CNOT10: variants seen among roughly 807,000 people sequenced by gnomAD.
CNOT10 encodes CCR4-NOT transcription complex, subunit 10.
In CNOT10, 30 loss-of-function variants were observed where a neutral mutation model predicts 94.6. The ratio of observed to expected loss-of-function variants is 0.32; its 90% CI spans 0.24 to 0.43. The LOEUF (loss-of-function observed/expected upper bound fraction) is 0.43. CNOT10 is among the 20% of genes least tolerant of loss of function. The pLI is 1.00. For missense variants in CNOT10, 759 were observed against 877.2 expected, an observed-to-expected ratio of 0.87 and a Z score of 1.70; for synonymous variants, 289 against 301.6, an observed-to-expected ratio of 0.96 and a Z score of 0.43.
At position 32,704,794 on chromosome 3, in the gene CNOT10, TG is replaced by T. The variant is rs1697536955; in HGVS notation, c.118-15del. 5 of 1,477,030 alleles carry T rather than the reference TG, an allele frequency of 3.4e-6. No individual in the cohort carries two copies. The highest frequency in any genetic ancestry group is 2.7e-5 in the South Asian group (2 of 73,152). 91.5% of individuals were successfully genotyped at this position (1,477,030 alleles called of 1,614,324 possible). On this transcript the variant is annotated splice_polypyrimidine_tract_variant and intron_variant, in intron 2 of 18. Coordinates refer to ENST00000328834, the MANE Select transcript of CNOT10 (RefSeq NM_015442.3). The stretch of plus-strand genomic sequence containing the variant: ...GTATGTAATTTTGTGTGTGTGTGTG[TG>T]GTTTTTTTTTTTTAGTCTGGAAATT...
At chr3:32,742,458 T>C (rs762299953) in intron 13 of CNOT10, among the ~76,000 whole-genome samples, 2 of 152,054 alleles carry the variant, frequency 1.3e-5, no homozygotes, top group South Asian at 4.1e-4. Context: ...CTCAGCTCAC[T>C]GCAACCTCCG....
intron 13 of CNOT10, among the ~76,000 whole-genome samples, chr3:32,740,073 G>A (rs187041006): frequency 1.3e-5 from 2 of 152,242 alleles, no homozygotes; most frequent in Admixed American, 1.3e-4. Context: ...CTCCAGCAAG[G>A]ATGACAGATC....
rs148474427 is a variant in CNOT10, at chr3:32,756,921, A to T, written c.1596-2537A>T. 5.2e-3 allele frequency among the ~76,000 whole-genome samples: 794 copies of T among 151,916 alleles called. 6 individuals carry two copies. Among genetic ancestry groups the T allele is most frequent in the African/African-American group, 0.018 (732 of 41,474 alleles). On this transcript the variant is annotated intron_variant, in intron 13 of 18. Transcript: ENST00000328834. ...CAGGAGTTTCCAGCCTGGCCAACAT[A>T]GTGAAACCCCATCTCTATAAAAAAA...
In CNOT10 at chr3:32,759,134, T is replaced by TA. The variant is rs1322929019; in HGVS notation, c.1596-324_1596-323insA. Among the ~76,000 whole-genome samples, 809 of 145,680 alleles carry TA rather than the reference T, an allele frequency of 5.6e-3. 8 individuals are homozygous for TA. The highest frequency in any genetic ancestry group is 0.02 in the African/African-American group (744 of 37,992). On this transcript the variant is annotated intron_variant, in intron 13 of 18. Coordinates refer to ENST00000328834, the MANE Select transcript of CNOT10 (RefSeq NM_015442.3). ...CTCATTAGGCTATATATATATAGTGTGTGTGTGTGTGTGTGTGTGTATTTA... is the reference window on the plus strand; with the variant it reads ...CTCATTAGGCTATATATATATAGTGTAGTGTGTGTGTGTGTGTGTGTATTTA...
At position 32,705,709 on chromosome 3, in the gene CNOT10, A is replaced by T. The variant is rs6784479; in HGVS notation, c.279+737A>T. On this transcript the variant is annotated intron_variant, in intron 3 of 18. Transcript: ENST00000328834. ...TGAACTCAGTTGTATTTAACTCTAT[A>T]GCCTGTAATTTTAGTTACTGCTTCA... Among the ~76,000 whole-genome samples the T allele has an allele frequency of 9.5e-3, 1,445 of 152,250 alleles. 29 individuals are homozygous for T. The highest frequency in any genetic ancestry group is 0.033 in the African/African-American group (1,364 of 41,544).
intron 13 of CNOT10, among the ~76,000 whole-genome samples, chr3:32,746,710 G>A (rs1433896227): frequency 1.3e-5 from 2 of 151,908 alleles, no homozygotes; most frequent in Admixed American, 6.6e-5. Flanking sequence ...GGTGGCAGGC[G>A]CCTGTAGTCC....
chr3:32,768,257 A>G (rs1304409600), intron 17 of CNOT10, among the ~76,000 whole-genome samples: 2 of 152,182 alleles, frequency 1.3e-5, no homozygotes, highest in Non-Finnish European at 2.9e-5. Context: ...ATGTGTTACT[A>G]GCCACTTGGA....
At position 32,769,026 on chromosome 3, in the gene CNOT10, G is replaced by A. The variant is rs575837755; in HGVS notation, c.2005-861G>A. ...CACTGCCTTTCTCCCTGGCATTTAC[G>A]TAACTGTGTTTGGATTATTGTTAGT... is the stretch of plus-strand genomic sequence containing the variant. On this transcript the variant is annotated intron_variant, in intron 17 of 18. Coordinates refer to ENST00000328834, the MANE Select transcript of CNOT10 (RefSeq NM_015442.3). The A allele has an allele frequency of 7.9e-5, 12 of 152,272 alleles. No individual in the cohort carries two copies. In the East Asian group the frequency reaches 9.6e-4, roughly 12 times the overall value. The allele number at this position is 152,272 out of a possible 1,614,324, so 9.4% of individuals were successfully genotyped here.
At chr3:32,689,375 G>GA (rs533916964) in intron 1 of CNOT10, among the ~76,000 whole-genome samples, 7 of 149,500 alleles carry the variant, frequency 4.7e-5, no homozygotes, top group African/African-American at 1.2e-4. Context: ...AAAAGAAAAA[G>GA]AAAAAAAAGA....
Position 32,685,262 on chromosome 3 carries a change from G to A in CNOT10, c.-199G>A. 1 of 566,302 alleles carries A rather than the reference G, an allele frequency of 1.8e-6. No individual in the cohort carries two copies. Among genetic ancestry groups the A allele is most frequent in the Non-Finnish European group, 3.2e-6 (1 of 317,390 alleles). The allele number at this position is 566,302 out of a possible 1,614,324, so 35.1% of individuals were successfully genotyped here. On this transcript the variant is annotated 5_prime_UTR_variant, in exon 1 of 19. Coordinates refer to ENST00000328834, the MANE Select transcript of CNOT10 (RefSeq NM_015442.3). Reference sequence around the variant, plus strand: ...GTGGCGGTCCCTTGGTGGGGAAGCTGTTGCTGTTGCTAGACGACGGGAACT... The same window carrying A: ...GTGGCGGTCCCTTGGTGGGGAAGCTATTGCTGTTGCTAGACGACGGGAACT...
At chr3:32,712,781 G>A (rs933849260) in intron 4 of CNOT10, among the ~76,000 whole-genome samples, 3 of 152,178 alleles carry the variant, frequency 2.0e-5, no homozygotes, top group Non-Finnish European at 4.4e-5. Flanking sequence ...AGAGGTTGCA[G>A]TAAGCCAAGA....
intron 1 of CNOT10, among the ~76,000 whole-genome samples, chr3:32,701,167 T>C (rs113169348): frequency 0.061 from 9,288 of 152,064 alleles, 327 homozygotes; most frequent in African/African-American, 0.09. Context: ...CCCAGCTACT[T>C]GGGAGGCTGA....
intron 14 of CNOT10, among the ~76,000 whole-genome samples, chr3:32,760,545 T>C (rs541648358): frequency 4.8e-4 from 73 of 152,018 alleles, no homozygotes; most frequent in Non-Finnish European, 7.2e-4. Context: ...AACAGGAGAA[T>C]CACTTGAGCC....
intron 3 of CNOT10, among the ~76,000 whole-genome samples, chr3:32,707,792 CAA>C (rs1025259192): frequency 7.6e-6 from 1 of 131,964 alleles, no homozygotes; most frequent in African/African-American, 2.8e-5. Context: ...GACTCCATCT[CAA>C]AAAAAAAAAA....
At chr3:32,730,793 T>C (rs1267697672) in intron 10 of CNOT10, 1 of 152,222 alleles carries the variant, frequency 6.6e-6, no homozygotes, top group African/African-American at 2.4e-5. Context: ...ATTTCAGACT[T>C]GGCAGAGGCA....
chr3:32,754,004 G>T, intron 13 of CNOT10: 1 of 569,870 alleles, frequency 1.8e-6, no homozygotes, highest in Non-Finnish European at 2.9e-6. Context: ...GGCCACCAAG[G>T]CAGGAGAATT....
chr3:32,750,159 C>A (rs893001916), intron 13 of CNOT10, among the ~76,000 whole-genome samples: 1 of 151,132 alleles, frequency 6.6e-6, no homozygotes, highest in Non-Finnish European at 1.5e-5. Flanking sequence ...TGCAGTGAGC[C>A]GAGATCACAC....
At chr3:32,687,452 G>GTTTTT (rs56091219) in intron 1 of CNOT10, among the ~76,000 whole-genome samples, 13 of 60,426 alleles carry the variant, frequency 2.2e-4, no homozygotes, top group South Asian at 1.8e-3. Context: ...TTTTTTTTTT[G>GTTTTT]TTTTTTTTTT....
chr3:32,733,901 G>T (rs1269097624), intron 11 of CNOT10, among the ~76,000 whole-genome samples: 2 of 152,054 alleles, frequency 1.3e-5, no homozygotes, highest in Admixed American at 1.3e-4. Context: ...TAGTCCCTAG[G>T]ACTGAAAATA....
Sources: allele counts gnomAD v4.1 joint callset (sites outside exome capture counted in the v4.1 genomes callset), GRCh38; gene constraint gnomAD v4.1.1; transcripts MANE v1.5; gene names NCBI Gene and HGNC (gene_info 2026-07-23, HGNC 2026-07-21).